Variants in CSMD3 observed in about 807,000 individuals in gnomAD.
CSMD3 encodes the protein CUB and sushi domain-containing protein 3.
CSMD3 carries 177 observed loss-of-function variants against 435.2 expected under a neutral mutation model. The ratio of observed to expected loss-of-function variants is 0.41; its 90% CI spans 0.36 to 0.46. The LOEUF is 0.46. Among genes scored for constraint, CSMD3 ranks in the 20% least tolerant of loss-of-function variants. The pLI is 0.34. For synonymous variants in CSMD3, 1,656 were observed against 1,520.5 expected (o/e 1.09, Z -2.07); for missense variants, 4,265 against 4,504.6 (o/e 0.95, Z 1.52).
At chr8:112,902,643 C>A (rs1366686780) in intron 10 of CSMD3, among the ~76,000 whole-genome samples, 2 of 151,222 alleles carry the variant, frequency 1.3e-5, no homozygotes, top group African/African-American at 4.8e-5. Flanking sequence ...GGGCAGAATT[C>A]ATTCTTATAT....
At chr8:113,277,635 G>A (rs140616750) in intron 3 of CSMD3, among the ~76,000 whole-genome samples, 16 of 151,834 alleles carry the variant, frequency 1.1e-4, no homozygotes, top group East Asian at 7.7e-4. Context: ...CCCTTGCTAC[G>A]GTATTTATGT....
intron 10 of CSMD3, among the ~76,000 whole-genome samples, chr8:112,918,169 C>G (rs1187138570): frequency 6.6e-6 from 1 of 151,714 alleles, no homozygotes; most frequent in Non-Finnish European, 1.5e-5. Flanking sequence ...TCTAGAATAC[C>G]TACTCATGTT....
At chr8:112,376,933 T>A (rs1174741650) in intron 38 of CSMD3, among the ~76,000 whole-genome samples, 1 of 152,136 alleles carries the variant, frequency 6.6e-6, no homozygotes, top group Admixed American at 6.6e-5. Context: ...AAACCACAGT[T>A]ACCCAAACAC....
intron 16 of CSMD3, among the ~76,000 whole-genome samples, chr8:112,672,305 C>A (rs140547217): frequency 6.6e-6 from 1 of 152,182 alleles, no homozygotes; most frequent in African/African-American, 2.4e-5. Flanking sequence ...TCAAGTGGTT[C>A]TTGTTGTTAC....
intron 39 of CSMD3, among the ~76,000 whole-genome samples, 185 bp downstream of exon 39, chr8:112,352,231 A>T (rs144438791): frequency 3.0e-4 from 46 of 152,258 alleles, no homozygotes; most frequent in Admixed American, 2.0e-3. Flanking sequence ...TTCCAAACAA[A>T]ACAAATTTAG....
chr8:113,338,518 T>C (rs1423500879), intron 1 of CSMD3, among the ~76,000 whole-genome samples: 11 of 151,946 alleles, frequency 7.2e-5, no homozygotes. Flanking sequence ...ATATGGTATA[T>C]TCATACAATA....
chr8:112,561,267 G>A (rs776376190), intron 24 of CSMD3, among the ~76,000 whole-genome samples: 1 of 151,600 alleles, frequency 6.6e-6, no homozygotes, highest in Non-Finnish European at 1.5e-5. Flanking sequence ...AACCGTATAT[G>A]CTATAAATAT....
chr8:112,438,344 A>G (rs1349294778), intron 32 of CSMD3, among the ~76,000 whole-genome samples: 1 of 152,194 alleles, frequency 6.6e-6, no homozygotes. Context: ...CATGTGACAG[A>G]ATGCTGACAG....
intron 1 of CSMD3, among the ~76,000 whole-genome samples, chr8:113,331,307 G>T (rs1304822219): frequency 2.6e-5 from 4 of 151,092 alleles, no homozygotes; most frequent in African/African-American, 4.8e-5. Context: ...AAAAAAAATT[G>T]TAAAAAGAAA....
intron 54 of CSMD3, among the ~76,000 whole-genome samples, chr8:112,293,779 T>C (rs953053175): frequency 1.3e-5 from 2 of 152,104 alleles, no homozygotes; most frequent in Non-Finnish European, 2.9e-5. Flanking sequence ...GCTTCCTAAT[T>C]GGGCACAGGA....
At chr8:112,329,426 CCCA>C (rs893884235) in intron 45 of CSMD3, among the ~76,000 whole-genome samples, 1 of 152,122 alleles carries the variant, frequency 6.6e-6, no homozygotes, top group African/African-American at 2.4e-5. Context: ...TCCATTCCCC[CCCA>C]CCTTCTAGAA....
chr8:112,738,004 T>A (rs2077222996), intron 13 of CSMD3, among the ~76,000 whole-genome samples: 2 of 151,852 alleles, frequency 1.3e-5, no homozygotes, highest in South Asian at 4.1e-4. Flanking sequence ...ATTCTGATGA[T>A]AGTTTGATTG....
At chr8:112,925,552 CAA>C (rs112849223) in intron 9 of CSMD3, among the ~76,000 whole-genome samples, 6 of 145,668 alleles carry the variant, frequency 4.1e-5, no homozygotes, top group East Asian at 2.0e-4. Context: ...GACGCCATCT[CAA>C]AAAAAAAAAA....
chr8:112,271,767 GAT>G (rs1817552201), intron 59 of CSMD3, among the ~76,000 whole-genome samples: 1 of 152,144 alleles, frequency 6.6e-6, no homozygotes. Context: ...CTCAATAACA[GAT>G]ACTATTATTT....
chr8:112,668,630 T>C (rs1048782787), intron 16 of CSMD3, among the ~76,000 whole-genome samples: 1 of 152,058 alleles, frequency 6.6e-6, no homozygotes, highest in African/African-American at 2.4e-5. Context: ...CTCTCTGGTA[T>C]AGTGACCCTG....
chr8:112,636,301 T>G (rs1005401666), intron 22 of CSMD3, among the ~76,000 whole-genome samples: 1 of 152,128 alleles, frequency 6.6e-6, no homozygotes, highest in Non-Finnish European at 1.5e-5. Context: ...AATAAGTTCA[T>G]TAAGAGCCCT....
chr8:112,528,923 T>C (rs1384482208), intron 27 of CSMD3, among the ~76,000 whole-genome samples: 1 of 152,046 alleles, frequency 6.6e-6, no homozygotes, highest in African/African-American at 2.4e-5. Flanking sequence ...CTTGGATCTC[T>C]GATGGGACCA....
At chr8:112,977,171 G>A (rs1269302819) in intron 6 of CSMD3, among the ~76,000 whole-genome samples, 2 of 151,858 alleles carry the variant, frequency 1.3e-5, no homozygotes, top group Non-Finnish European at 2.9e-5. Context: ...TTGAATGGGG[G>A]TATATTTAAA....
chr8:113,155,896 C>G (rs2091919275), intron 4 of CSMD3, among the ~76,000 whole-genome samples: 1 of 151,982 alleles, frequency 6.6e-6, no homozygotes, highest in South Asian at 2.1e-4. Context: ...AATATAAAAA[C>G]TGTTGGAAGG....
Sources: allele counts gnomAD v4.1 joint callset (sites outside exome capture counted in the v4.1 genomes callset), GRCh38; gene constraint gnomAD v4.1.1; transcripts MANE v1.5; gene names NCBI Gene and HGNC (gene_info 2026-07-23, HGNC 2026-07-21).